Variants in PACSIN2 observed in about 807,000 individuals in gnomAD.
PACSIN2 encodes protein kinase C and casein kinase substrate in neurons 2, also known as protein kinase C and casein kinase substrate in neurons protein 2.
A neutral mutation model predicts 63.8 loss-of-function variants in PACSIN2; 25 were observed. The ratio of observed to expected loss-of-function variants is 0.39; its 90% CI spans 0.29 to 0.55. The LOEUF is 0.55. PACSIN2 is among the 20% of genes least tolerant of loss of function. The probability of loss-of-function intolerance (pLI) is 0.62; values close to 1 mark genes in which losing one functional copy is unlikely to be tolerated. For missense variants in PACSIN2, 518 were observed against 646.9 expected, an observed-to-expected ratio of 0.80 and a Z score of 2.16; for synonymous variants, 255 against 256.2, an observed-to-expected ratio of 1.00 and a Z score of 0.05.
chr22:42,904,468 G>A (rs1930923497), intron 2 of PACSIN2, among the ~76,000 whole-genome samples: 1 of 152,230 alleles, frequency 6.6e-6, no homozygotes, highest in African/African-American at 2.4e-5. Flanking sequence ...TGCTGGAAGA[G>A]CTGCCATGGC....
rs555497127 is a variant in PACSIN2 at position 42,876,095 on chromosome 22, T to G, written c.1348+42A>C. 2.1e-5 allele frequency: 33 copies of G among 1,557,832 alleles called. No homozygotes were observed. The East Asian group carries it at 2.3e-4, about 11-fold the overall frequency. On this transcript the variant is annotated intron_variant, in intron 10 of 10. Transcript: ENST00000263246. ...AAAAAGACCGCCCACAGCCTGCAGG[T>G]TGGAAGCCCTCCTCCCCTGGATGCT...
intron 1 of PACSIN2, among the ~76,000 whole-genome samples, chr22:42,940,261 A>G (rs914072006): frequency 6.6e-6 from 1 of 152,170 alleles, no homozygotes; most frequent in African/African-American, 2.4e-5. Flanking sequence ...TTACACCAAA[A>G]ATAGATTTTT....
intron 1 of PACSIN2, among the ~76,000 whole-genome samples, chr22:42,921,801 C>T (rs1196376648): frequency 2.6e-5 from 4 of 151,426 alleles, no homozygotes; most frequent in Non-Finnish European, 5.9e-5. Context: ...TGCAGTGGCG[C>T]GATCTCAGCT....
At chr22:42,952,667 A>ATT (rs1164741942) in intron 1 of PACSIN2, among the ~76,000 whole-genome samples, 2 of 129,970 alleles carry the variant, frequency 1.5e-5, no homozygotes, top group Non-Finnish European at 1.7e-5. Context: ...CTATTTATTT[A>ATT]TTTTTTTTTT....
In PACSIN2 at chr22:42,870,348, C is replaced by G. The variant is rs1309624239; in HGVS notation, c.*1009G>C. 1 of 152,160 alleles carries G rather than the reference C, an allele frequency of 6.6e-6. No individual in the cohort carries two copies. The highest frequency in any genetic ancestry group is 1.5e-5 in the Non-Finnish European group (1 of 68,048). The allele number at this position is 152,160 out of a possible 1,614,324, so 9.4% of individuals were successfully genotyped here. ...TGAGCCCGGGAGGAGACCCAGCCGGCCAGCCAGACGTGTGCCTGAATGCCA... is the reference window on the plus strand; with the variant it reads ...TGAGCCCGGGAGGAGACCCAGCCGGGCAGCCAGACGTGTGCCTGAATGCCA... On this transcript the variant is annotated 3_prime_UTR_variant, in exon 11 of 11. Coordinates refer to ENST00000263246, the MANE Select transcript of PACSIN2 (RefSeq NM_001184970.3).
intron 1 of PACSIN2, among the ~76,000 whole-genome samples, chr22:42,914,023 T>C (rs553416415): frequency 6.6e-6 from 1 of 152,322 alleles, no homozygotes; most frequent in East Asian, 1.9e-4. Flanking sequence ...AGCCAAGTCC[T>C]CCAAAGACAT....
At chr22:42,959,451 A>C (rs890053578) in intron 1 of PACSIN2, 1 of 152,258 alleles carries the variant, frequency 6.6e-6, no homozygotes, top group African/African-American at 2.4e-5. Context: ...GTGCAAAGTT[A>C]TTGCATCTAT....
chr22:42,999,342 T>C (rs1297440026), intron 1 of PACSIN2, among the ~76,000 whole-genome samples: 1 of 151,160 alleles, frequency 6.6e-6, no homozygotes, highest in East Asian at 1.9e-4. Context: ...ATGTCTAATG[T>C]GTGTGTGTAT....
At chr22:42,969,420 A>G (rs1569336290) in intron 1 of PACSIN2, among the ~76,000 whole-genome samples, 1 of 152,200 alleles carries the variant, frequency 6.6e-6, no homozygotes, top group African/African-American at 2.4e-5. Context: ...TATTATTATT[A>G]CCCTGTTATT....
At chr22:42,894,618 C>T (rs1930149969) in intron 2 of PACSIN2, among the ~76,000 whole-genome samples, 1 of 152,210 alleles carries the variant, frequency 6.6e-6, no homozygotes, top group Non-Finnish European at 1.5e-5. Flanking sequence ...TGAGTTTTGA[C>T]TGCCTTTTTT....
At chr22:42,945,498 C>G (rs1168205221) in intron 1 of PACSIN2, among the ~76,000 whole-genome samples, 1 of 152,142 alleles carries the variant, frequency 6.6e-6, no homozygotes, top group African/African-American at 2.4e-5. Context: ...ATCACACAGT[C>G]CTTGCAAACT....
intron 1 of PACSIN2, among the ~76,000 whole-genome samples, chr22:42,962,791 C>T (rs1328005096): frequency 1.8e-4 from 20 of 109,444 alleles, no homozygotes; most frequent in Admixed American, 7.5e-4. Flanking sequence ...GGGGGGGCGG[C>T]GCAGAAAAAG....
chr22:43,004,086 T>C (rs370988024), intron 1 of PACSIN2, among the ~76,000 whole-genome samples: 1 of 152,214 alleles, frequency 6.6e-6, no homozygotes, highest in Non-Finnish European at 1.5e-5. Context: ...CTTTTAAAGA[T>C]GTTCACATCT....
chr22:42,940,159 C>T (rs1418824539), intron 1 of PACSIN2, among the ~76,000 whole-genome samples: 3 of 152,166 alleles, frequency 2.0e-5, no homozygotes, highest in Admixed American at 6.5e-5. Context: ...TCCTACACAG[C>T]GCCTTACAGA....
At chr22:42,903,930 A>G (rs1930879713) in intron 2 of PACSIN2, among the ~76,000 whole-genome samples, 3 of 152,280 alleles carry the variant, frequency 2.0e-5, no homozygotes, top group African/African-American at 4.8e-5. Flanking sequence ...AATGGAGCTC[A>G]CTACCCTGAA....
intron 7 of PACSIN2, chr22:42,880,590 A>G (rs896886135): frequency 1.3e-5 from 2 of 152,202 alleles, no homozygotes; most frequent in African/African-American, 4.8e-5. Flanking sequence ...ATGGCACTCT[A>G]TGAGGTAGCC....
chr22:42,905,935 C>T lies in PACSIN2; in HGVS notation c.60+6086G>A, dbSNP rs879879538. ...CTGTGAGACCTTCAGTCATATCTAC[C>T]TGACCACCCACCGCCACCCACTCCT... On this transcript the variant is annotated intron_variant, in intron 2 of 10. Coordinates refer to ENST00000263246, the MANE Select transcript of PACSIN2 (RefSeq NM_001184970.3). Among the ~76,000 whole-genome samples the T allele has an allele frequency of 2.0e-5, 3 of 152,236 alleles. No homozygotes were observed. In the East Asian group the frequency reaches 5.8e-4, roughly 29 times the overall value.
intron 10 of PACSIN2, among the ~76,000 whole-genome samples, chr22:42,874,677 G>A (rs1048870525): frequency 6.6e-6 from 1 of 152,186 alleles, no homozygotes; most frequent in Non-Finnish European, 1.5e-5. Flanking sequence ...GGGGCTAGCA[G>A]CTCCCAGACT....
At chr22:42,930,270 T>C (rs1932758536) in intron 1 of PACSIN2, among the ~76,000 whole-genome samples, 1 of 152,206 alleles carries the variant, frequency 6.6e-6, no homozygotes, top group South Asian at 2.1e-4. Flanking sequence ...CTCTGTGACA[T>C]GCAGCCTAAC....
Sources: gnomAD v4.1 joint callset for allele counts (sites outside exome capture counted in the v4.1 genomes callset) on GRCh38, gnomAD v4.1.1 for gene constraint, MANE v1.5 for transcripts, NCBI Gene and HGNC (gene_info 2026-07-23, HGNC 2026-07-21) for gene names.